The following COMMD3 variants were observed in gnomAD, a reference collection of about 807,000 sequenced individuals.
COMMD3 encodes COMM domain containing 3.
COMMD3 carries 31 observed loss-of-function variants against 31.2 expected under a neutral mutation model. That is an observed-to-expected ratio of 0.99 (90% CI 0.75 to 1.34). The LOEUF is 1.34. COMMD3 is among the 40% of genes most tolerant of loss of function. The pLI is 0.00. For synonymous variants in COMMD3, 108 were observed against 87.3 expected (o/e 1.24, Z -1.32); for missense variants, 274 against 236.9 (o/e 1.16, Z -1.03).
In COMMD3 at chr10:22,316,399, A is replaced by C; in HGVS notation, c.-19A>C. On this transcript the variant is annotated 5_prime_UTR_variant, in exon 1 of 8. Coordinates refer to ENST00000376836, the MANE Select transcript of COMMD3 (RefSeq NM_012071.4). The stretch of plus-strand genomic sequence containing the variant: ...GCGTGTCACGTGGTGTGCGTGTCGA[A>C]GGTCACGGCGCGCTCACAATGGAGC... 1 of 1,457,076 alleles carries C rather than the reference A, an allele frequency of 6.9e-7. No individual in the cohort carries two copies. The highest frequency in any genetic ancestry group is 1.4e-5 in the African/African-American group (1 of 68,992). The allele number at this position is 1,457,076 out of a possible 1,614,324, so 90.3% of individuals were successfully genotyped here.
chr10:22,317,079 G>A (rs1835864651), intron 1 of COMMD3: 1 of 152,310 alleles, frequency 6.6e-6, no homozygotes, highest in Admixed American at 6.5e-5. Flanking sequence ...GTTTACACAG[G>A]TTCTACGCCT....
chr10:22,318,490 C>T, intron 4 of COMMD3, 163 bp from the exon 5 acceptor site: 3 of 1,076,860 alleles, frequency 2.8e-6, no homozygotes, highest in South Asian at 3.1e-5. Flanking sequence ...TTGAAATGCT[C>T]CTTTACCATT....
chr10:22,319,798 T>G, intron 7 of COMMD3, 141 bp from the exon 8 acceptor site: 1 of 1,039,786 alleles, frequency 9.6e-7, no homozygotes. Flanking sequence ...CGATAGTAGT[T>G]TGTCAAAAGT....
In COMMD3 at chr10:22,319,935, T is replaced by G; in HGVS notation, c.529-4T>G. ...AAACGTGGTATTGTATACACGTCTT[T>G]TAGGACTTGGTGGGGAAACTTAAAG... On this transcript the variant is annotated splice_region_variant and splice_polypyrimidine_tract_variant and intron_variant, in intron 7 of 7. Coordinates refer to ENST00000376836, the MANE Select transcript of COMMD3 (RefSeq NM_012071.4). The G allele has an allele frequency of 6.2e-7, 1 of 1,614,104 alleles. No homozygotes were observed. The highest frequency in any genetic ancestry group is 1.1e-5 in the South Asian group (1 of 91,086).
chr10:22,318,845 G>T lies in COMMD3; in HGVS notation c.451G>T (p.Val151Leu). The T allele has an allele frequency of 6.2e-7, 1 of 1,613,842 alleles. No individual in the cohort carries two copies. Among genetic ancestry groups the T allele is most frequent in the Non-Finnish European group, 8.5e-7 (1 of 1,179,830 alleles). ...TAGGATGTACAGACCTGCATATTTG[G>T]TGACCTTAAGTGTACAGGTATTTAT... ...LHRMYRPAYL[V>L]TLSVQNTDSP... The change falls in exon 6 of 8, where the codon GTG becomes TTG. Residue 151 changes from valine (V) to leucine (L), a missense_variant. Physicochemically the swap from Val to Leu is conservative, Grantham distance 32. Transcript: ENST00000376836.
At chr10:22,316,741 T>C in intron 1 of COMMD3, 185 bp downstream of exon 1, 3 of 1,126,434 alleles carry the variant, frequency 2.7e-6, no homozygotes, top group Non-Finnish European at 3.5e-6. Flanking sequence ...CTGAGCATTG[T>C]TTTGGCCCCA....
chr10:22,319,851 T>C (rs780575739), intron 7 of COMMD3, 88 bp from the exon 8 acceptor site: 23 of 1,527,514 alleles, frequency 1.5e-5, no homozygotes, highest in Non-Finnish European at 2.0e-5. Flanking sequence ...AGGTGTGTCC[T>C]GATTTTTTTT....
At chr10:22,319,766 C>T in intron 7 of COMMD3, 173 bp from the exon 8 acceptor site, 1 of 709,464 alleles carries the variant, frequency 1.4e-6, no homozygotes. Flanking sequence ...TGAGGTATTT[C>T]CGAGGAAACG....
Position 22,319,866 on chromosome 10 carries a change from C to T in COMMD3, c.529-73C>T, listed in dbSNP as rs186281665. The T allele has an allele frequency of 3.1e-5, 48 of 1,559,548 alleles. No homozygotes were observed. The Admixed American group carries it at 4.3e-4, about 14-fold the overall frequency. On this transcript the variant is annotated intron_variant, in intron 7 of 7. Transcript: ENST00000376836. ...AGGTGTGTCCTGATTTTTTTTCTTG[C>T]ATCTTTCTTGAGCTTGGATACTTCT...
In COMMD3 at chr10:22,316,802, C is replaced by G. The variant is rs1835858586; in HGVS notation, c.139+246C>G. ...CACGTTCCTGGCCCGGTTTCCCTCCCAGTCTCTTTGTTCTTTTGTAAAGCC... is the reference window on the plus strand; with the variant it reads ...CACGTTCCTGGCCCGGTTTCCCTCCGAGTCTCTTTGTTCTTTTGTAAAGCC... On this transcript the variant is annotated intron_variant, in intron 1 of 7. Coordinates refer to ENST00000376836, the MANE Select transcript of COMMD3 (RefSeq NM_012071.4). 7.0e-6 allele frequency: 3 copies of G among 427,318 alleles called. No individual in the cohort carries two copies. In the East Asian group the frequency reaches 1.4e-4, roughly 20 times the overall value. The allele number at this position is 427,318 out of a possible 1,614,324, so 26.5% of individuals were successfully genotyped here. A position where few individuals can be genotyped will look rare whatever the true frequency, so the allele number is the denominator to read the frequency against.
chr10:22,319,983 A>G lies in COMMD3; in HGVS notation c.573A>G (p.Arg191=). The G allele has an allele frequency of 3.1e-6, 5 of 1,614,174 alleles. No homozygotes were observed. Among genetic ancestry groups the G allele is most frequent in the Non-Finnish European group, 4.2e-6 (5 of 1,180,014 alleles). Residue 191 remains arginine, a synonymous_variant, in exon 8 of 8, where the codon AGA becomes AGG. Coordinates refer to ENST00000376836, the MANE Select transcript of COMMD3 (RefSeq NM_012071.4). ...KLKDASKSLE[R]ATQL is the part of the protein sequence containing the mutation. ...AAGATGCTTCGAAAAGCCTGGAAAG[A>G]GCAACTCAGTTGTAACTTGGGGAAG...
intron 1 of COMMD3, chr10:22,317,579 C>G (rs572393919): frequency 5.0e-6 from 1 of 198,844 alleles, no homozygotes; most frequent in Non-Finnish European, 1.0e-5. Context: ...TGAATTTACT[C>G]CAGTGTTAGA....
Position 22,320,079 on chromosome 10 carries a change from G to C in COMMD3, c.*81G>C. The C allele has an allele frequency of 1.2e-6, 2 of 1,612,864 alleles. No homozygotes were observed. Among genetic ancestry groups the C allele is most frequent in the Non-Finnish European group, 1.7e-6 (2 of 1,179,316 alleles). On this transcript the variant is annotated 3_prime_UTR_variant, in exon 8 of 8. Transcript: ENST00000376836. ...TTCAGCTGAACCACCGTTTGTGCGA[G>C]CTGGATGTCCTTTTCAGTAGAAAAG...
chr10:22,317,958 G>C lies in COMMD3; in HGVS notation c.214G>C (p.Glu72Gln), dbSNP rs543113343. The C allele has an allele frequency of 1.2e-6, 2 of 1,613,974 alleles. No individual in the cohort carries two copies. The highest frequency in any genetic ancestry group is 1.1e-5 in the South Asian group (1 of 91,078). ...CHAAAATYIL[E>Q]AGKHRADKST... ...TGCAGCAGCTGCAACTTACATACTA[G>C]AGGCAGGAAAGCACCGAGCTGACAA... The change falls in exon 2 of 8, where the codon GAG becomes CAG. Residue 72 changes from glutamate (E) to glutamine (Q), a missense_variant. Physicochemically the swap from Glu to Gln is conservative, Grantham distance 29. Coordinates refer to ENST00000376836, the MANE Select transcript of COMMD3 (RefSeq NM_012071.4).
In COMMD3 at chr10:22,316,415, A is replaced by G. The variant is rs1030983843; in HGVS notation, c.-3A>G. ...GCGTGTCGAAGGTCACGGCGCGCTC[A>G]CAATGGAGCTCTCGGAGTCTGTGCA... On this transcript the variant is annotated 5_prime_UTR_variant, in exon 1 of 8. Coordinates refer to ENST00000376836, the MANE Select transcript of COMMD3 (RefSeq NM_012071.4). 9 of 1,509,066 alleles carry G rather than the reference A, an allele frequency of 6.0e-6. 1 individual carries two copies. Among genetic ancestry groups the G allele is most frequent in the Admixed American group, 2.1e-5 (1 of 48,230 alleles). 93.5% of individuals were successfully genotyped at this position (1,509,066 alleles called of 1,614,324 possible).
In COMMD3 at chr10:22,320,289, G is replaced by A. The variant is rs1463842736; in HGVS notation, c.*291G>A. Reference sequence around the variant, plus strand: ...ACAGTATTACACCCTGAATAAATAAGGTGTTGTTTTCCACAAAGAGTGATG... The same window carrying A: ...ACAGTATTACACCCTGAATAAATAAAGTGTTGTTTTCCACAAAGAGTGATG... On this transcript the variant is annotated 3_prime_UTR_variant, in exon 8 of 8. Transcript: ENST00000376836. 3 of 587,182 alleles carry A rather than the reference G, an allele frequency of 5.1e-6. No homozygotes were observed. The highest frequency in any genetic ancestry group is 5.3e-6 in the Non-Finnish European group (2 of 379,178). The allele number at this position is 587,182 out of a possible 1,614,324, so 36.4% of individuals were successfully genotyped here. A position where few individuals can be genotyped will look rare whatever the true frequency, so the allele number is the denominator to read the frequency against.
intron 1 of COMMD3, 32 bp downstream of exon 1, chr10:22,316,588 C>T (rs1478623572): frequency 1.4e-6 from 2 of 1,467,168 alleles, no homozygotes; most frequent in Non-Finnish European, 1.8e-6. Context: ...GGAGCTGGAT[C>T]CGCCGGGGTG....
At chr10:22,318,414 G>A (rs1211303990) in intron 4 of COMMD3, 108 bp downstream of exon 4, 3 of 1,455,010 alleles carry the variant, frequency 2.1e-6, no homozygotes, top group African/African-American at 1.4e-5. Context: ...AAGAAAAGGA[G>A]CCAAAGGGCA....
rs753759965 is a variant in COMMD3 at position 22,318,656 on chromosome 10, A to T, written c.354A>T (p.Ile118=). ...AAGTTATCATTGCATCTTTCAGTATAGGCAGATCTCTCCCTCATATAACGG... is the reference window on the plus strand; with the variant it reads ...AAGTTATCATTGCATCTTTCAGTATTGGCAGATCTCTCCCTCATATAACGG... ...KNSLEILLGS[I]GRSLPHITDV... is the part of the protein sequence containing the mutation. Residue 118 remains isoleucine, a synonymous_variant, in exon 5 of 8, where the codon ATA becomes ATT. Transcript: ENST00000376836. 10 of 1,611,996 alleles carry T rather than the reference A, an allele frequency of 6.2e-6. No individual in the cohort carries two copies. The highest frequency in any genetic ancestry group is 3.3e-4 in the Middle Eastern group (2 of 6,052).
Sources: allele counts gnomAD v4.1 joint callset, GRCh38; gene constraint gnomAD v4.1.1; transcripts MANE v1.5; gene names NCBI Gene and HGNC (gene_info 2026-07-23, HGNC 2026-07-21).